Variants in FAM219A observed in about 807,000 individuals in gnomAD.
The protein encoded by FAM219A is protein FAM219A.
In FAM219A, 7 loss-of-function variants were observed where a neutral mutation model predicts 23.4. The observed-to-expected ratio is 0.30, with a 90% CI of 0.17 to 0.56. The LOEUF (loss-of-function observed/expected upper bound fraction) is 0.56, where lower values mean the gene tolerates loss of function less well. FAM219A is among the 20% of genes least tolerant of loss of function. The pLI, the probability that FAM219A is intolerant of heterozygous loss-of-function variation, is 0.92. For synonymous variants in FAM219A, 93 were observed against 99.0 expected (o/e 0.94, Z 0.36); for missense variants, 166 against 246.9 (o/e 0.67, Z 2.20).
intron 2 of FAM219A, among the ~76,000 whole-genome samples, chr9:34,404,344 C>T (rs891726082): frequency 2.0e-5 from 3 of 152,154 alleles, no homozygotes; most frequent in Non-Finnish European, 4.4e-5. Context: ...GAATGGTTAC[C>T]TCTTAGGAGG....
At chr9:34,447,228 T>A (rs775384100) in intron 1 of FAM219A, among the ~76,000 whole-genome samples, 19 of 152,260 alleles carry the variant, frequency 1.2e-4, no homozygotes, top group Non-Finnish European at 4.4e-5. Flanking sequence ...TGATTCCAGG[T>A]TCTTGCCTTG....
At chr9:34,401,809 A>ATACC in intron 4 of FAM219A, 89 bp from the exon 5 acceptor site, 1 of 1,378,100 alleles carries the variant, frequency 7.3e-7, no homozygotes, top group Non-Finnish European at 1.0e-6. Context: ...GCAGCATCCT[A>ATACC]TACCTCCCTT....
At chr9:34,449,126 G>A (rs1823475169) in intron 1 of FAM219A, among the ~76,000 whole-genome samples, 1 of 152,018 alleles carries the variant, frequency 6.6e-6, no homozygotes, top group Non-Finnish European at 1.5e-5. Flanking sequence ...TTGAGCCCAG[G>A]AATTTGAGAC....
intron 1 of FAM219A, among the ~76,000 whole-genome samples, chr9:34,439,778 A>C (rs1823096014): frequency 6.6e-6 from 1 of 152,188 alleles, no homozygotes; most frequent in Non-Finnish European, 1.5e-5. Flanking sequence ...GTGATATGAG[A>C]TAAGCTGAAG....
chr9:34,411,091 G>A (rs1317347017), intron 1 of FAM219A, among the ~76,000 whole-genome samples: 1 of 152,134 alleles, frequency 6.6e-6, no homozygotes, highest in East Asian at 1.9e-4. Context: ...ACACCACATA[G>A]GTTGGAGCCT....
chr9:34,453,481 T>G (rs1823628928), intron 1 of FAM219A, among the ~76,000 whole-genome samples: 1 of 152,192 alleles, frequency 6.6e-6, no homozygotes, highest in African/African-American at 2.4e-5. Flanking sequence ...TGATCTCTAC[T>G]CTTTTTGACA....
Position 34,398,379 on chromosome 9 carries a change from GTTA to G in FAM219A, c.*2582_*2584del, listed in dbSNP as rs1206273857. 6.4e-7 allele frequency: 1 copy of G among 1,550,398 alleles called. No individual in the cohort carries two copies. The highest frequency in any genetic ancestry group is 8.7e-7 in the Non-Finnish European group (1 of 1,146,814). ...AGCCACAGCTGAGAGAGGAGGGAGT[GTTA>G]AGGCAGTATCTACAAGGGGAAGGGT... On this transcript the variant is annotated 3_prime_UTR_variant, in exon 6 of 6. Coordinates refer to ENST00000651358, the MANE Select transcript of FAM219A (RefSeq NM_001184940.2).
intron 1 of FAM219A, among the ~76,000 whole-genome samples, chr9:34,434,825 TTTC>T (rs1554678857): frequency 6.6e-6 from 1 of 151,486 alleles, no homozygotes; most frequent in African/African-American, 2.4e-5. Flanking sequence ...TCTTTCTTTC[TTTC>T]TTTTTTTTTG....
intron 1 of FAM219A, among the ~76,000 whole-genome samples, chr9:34,430,263 T>C (rs1174909808): frequency 6.6e-6 from 1 of 152,100 alleles, no homozygotes; most frequent in Non-Finnish European, 1.5e-5. Flanking sequence ...GCTCAGTGGC[T>C]CATCCCTGTA....
intron 1 of FAM219A, among the ~76,000 whole-genome samples, chr9:34,439,407 T>A (rs1296158226): frequency 6.6e-6 from 1 of 152,222 alleles, no homozygotes. Flanking sequence ...ATGTCCATTA[T>A]GTGAAGGCAC....
At chr9:34,443,491 T>A (rs4879789) in intron 1 of FAM219A, among the ~76,000 whole-genome samples, 2 of 151,992 alleles carry the variant, frequency 1.3e-5, no homozygotes, top group African/African-American at 4.8e-5. Flanking sequence ...CCTCACTCTC[T>A]CCCACAAAAG....
In FAM219A at chr9:34,406,376, G is replaced by C. The variant is rs1012646922; in HGVS notation, c.61-412C>G. On this transcript the variant is annotated intron_variant, in intron 1 of 5. Transcript: ENST00000651358. ...TGTGAGTTTAAGTCTGGGTTAAGGGGAGAGCAGGTGCTGTCTGAGATGGGT... is the reference window on the plus strand; with the variant it reads ...TGTGAGTTTAAGTCTGGGTTAAGGGCAGAGCAGGTGCTGTCTGAGATGGGT... 34 of 985,288 alleles carry C rather than the reference G, an allele frequency of 3.5e-5. No homozygotes were observed. The African/African-American group carries it at 5.6e-4, about 16-fold the overall frequency. 61.0% of individuals were successfully genotyped at this position (985,288 alleles called of 1,614,324 possible).
In FAM219A at chr9:34,421,668, C is replaced by T. The variant is rs57142780; in HGVS notation, c.61-15704G>A. 6.4e-3 allele frequency among the ~76,000 whole-genome samples: 969 copies of T among 152,078 alleles called. 32 individuals are homozygous for T. The East Asian group carries it at 0.11, about 18-fold the overall frequency. ...CAACCCACATCTCTGAGGACACTTC[C>T]TCTTCTCTGAGTACACCCCCCTGCC... On this transcript the variant is annotated intron_variant, in intron 1 of 5. Transcript: ENST00000651358.
intron 1 of FAM219A, among the ~76,000 whole-genome samples, chr9:34,435,365 C>G (rs761325042): frequency 5.9e-5 from 9 of 152,134 alleles, no homozygotes; most frequent in Non-Finnish European, 1.3e-4. Flanking sequence ...AGCATGAGCT[C>G]TATCACCTGG....
At position 34,458,536 on chromosome 9, in the gene FAM219A, G is replaced by T. The variant is rs184068141; in HGVS notation, c.-273C>A. The T allele has an allele frequency of 9.7e-4, 363 of 374,440 alleles. 3 individuals are homozygous for T. In the East Asian group the frequency reaches 0.018, roughly 19 times the overall value. 23.2% of individuals were successfully genotyped at this position (374,440 alleles called of 1,614,324 possible). A position where few individuals can be genotyped will look rare whatever the true frequency, so the allele number is the denominator to read the frequency against. ...TTGCCTCGCCTCCTACTCCGCTGCC[G>T]CCTCCTGTCAGCAGCTCAGCCACTG... On this transcript the variant is annotated 5_prime_UTR_variant, in exon 1 of 6. Transcript: ENST00000651358. This position sits in a 1 kb window ranked among gnomAD's most constrained non-coding sequence, Gnocchi z 6.6.
intron 1 of FAM219A, among the ~76,000 whole-genome samples, chr9:34,451,876 A>C (rs1823573880): frequency 6.6e-6 from 1 of 152,194 alleles, no homozygotes. Context: ...TCAGAAAAGG[A>C]AAGTACGTGT....
At position 34,400,131 on chromosome 9, in the gene FAM219A, T is replaced by C. The variant is rs903973540; in HGVS notation, c.*833A>G. 5 of 151,436 alleles carry C rather than the reference T, an allele frequency of 3.3e-5. No homozygotes were observed. The highest frequency in any genetic ancestry group is 2.1e-4 in the South Asian group (1 of 4,772). The allele number at this position is 151,436 out of a possible 1,614,324, so 9.4% of individuals were successfully genotyped here. The stretch of plus-strand genomic sequence containing the variant: ...GGGCTGGGGTGAGGGGAATGGGCCA[T>C]TGGAGTCCAGCCTTACTCCCTGCTT... On this transcript the variant is annotated 3_prime_UTR_variant, in exon 6 of 6. Transcript: ENST00000651358.
intron 1 of FAM219A, among the ~76,000 whole-genome samples, chr9:34,451,393 T>G (rs1331362814): frequency 6.6e-6 from 1 of 152,172 alleles, no homozygotes; most frequent in African/African-American, 2.4e-5. Context: ...CACCTCTAGC[T>G]TCCTTCAACC....
chr9:34,431,330 C>A (rs1051277676), intron 1 of FAM219A, among the ~76,000 whole-genome samples: 2 of 152,156 alleles, frequency 1.3e-5, no homozygotes, highest in African/African-American at 4.8e-5. Context: ...AGCTCATCAG[C>A]TCCTCCCCTG....
Sources: gnomAD v4.1 joint callset for allele counts (sites outside exome capture counted in the v4.1 genomes callset) on GRCh38, gnomAD v4.1.1 for gene constraint, Gnocchi (gnomAD v3.1) non-coding constraint, MANE v1.5 for transcripts, NCBI Gene and HGNC (gene_info 2026-07-23, HGNC 2026-07-21) for gene names.